NBEA: variants seen among roughly 807,000 people sequenced by gnomAD.
NBEA encodes the protein neurobeachin.
Under a neutral mutation model 343.4 loss-of-function variants are expected in NBEA, and 44 were observed. The ratio of observed to expected loss-of-function variants is 0.13; its 90% CI spans 0.10 to 0.16. The LOEUF is 0.16. Among genes scored for constraint, NBEA ranks in the 10% least tolerant of loss-of-function variants. NBEA has a pLI of 1.00. For missense variants in NBEA, 2,555 were observed against 3,631.3 expected (o/e 0.70, Z 7.62); for synonymous variants, 1,175 against 1,238.7 (o/e 0.95, Z 1.08).
intron 16 of NBEA, among the ~76,000 whole-genome samples, chr13:35,119,293 C>A (rs2066665138): frequency 6.6e-6 from 1 of 151,926 alleles, no homozygotes; most frequent in Non-Finnish European, 1.5e-5. Flanking sequence ...CGAGGTTATG[C>A]CATGTATAAC....
intron 36 of NBEA, among the ~76,000 whole-genome samples, chr13:35,316,942 T>G (rs1238346800): frequency 1.3e-5 from 2 of 152,170 alleles, no homozygotes; most frequent in South Asian, 2.1e-4. Flanking sequence ...CTTCGCCCTC[T>G]TTTTGATGGG....
At chr13:35,556,114 G>A (rs1274024628) in intron 44 of NBEA, among the ~76,000 whole-genome samples, 1 of 151,612 alleles carries the variant, frequency 6.6e-6, no homozygotes, top group Non-Finnish European at 1.5e-5. Flanking sequence ...GTATATATAT[G>A]TTCATATATA....
intron 39 of NBEA, among the ~76,000 whole-genome samples, chr13:35,443,777 T>C (rs891435326): frequency 1.3e-5 from 2 of 152,014 alleles, no homozygotes; most frequent in Admixed American, 1.3e-4. Context: ...CTTTCTAATT[T>C]AGTGTTTTTA....
intron 17 of NBEA, among the ~76,000 whole-genome samples, chr13:35,128,433 A>G (rs940068321): frequency 2.0e-5 from 3 of 152,176 alleles, no homozygotes; most frequent in Non-Finnish European, 4.4e-5. Flanking sequence ...TAATTCACCT[A>G]TTTCAGTCCA....
intron 18 of NBEA, among the ~76,000 whole-genome samples, chr13:35,151,062 C>T (rs2152703874): frequency 6.8e-6 from 1 of 146,816 alleles, no homozygotes; most frequent in East Asian, 2.0e-4. Context: ...TTGCAGCGAA[C>T]TGAGATTGTT....
chr13:35,025,338 T>C (rs1175006879), intron 1 of NBEA, among the ~76,000 whole-genome samples: 1 of 152,106 alleles, frequency 6.6e-6, no homozygotes, highest in Non-Finnish European at 1.5e-5. Context: ...AGTTGATTTT[T>C]TGTGTATGGT....
intron 1 of NBEA, among the ~76,000 whole-genome samples, chr13:35,012,353 A>G (rs2061515601): frequency 6.6e-6 from 1 of 152,204 alleles, no homozygotes; most frequent in African/African-American, 2.4e-5. Context: ...TGATAGTGGC[A>G]TTAATCAACT....
intron 17 of NBEA, among the ~76,000 whole-genome samples, chr13:35,136,108 A>G (rs1035898805): frequency 3.9e-5 from 6 of 152,124 alleles, no homozygotes; most frequent in South Asian, 2.1e-4. Context: ...GTAACCAGAC[A>G]AGGAAAGCAG....
At chr13:35,431,575 T>C (rs766271802) in intron 38 of NBEA, among the ~76,000 whole-genome samples, 20 of 152,264 alleles carry the variant, frequency 1.3e-4, no homozygotes, top group Non-Finnish European at 2.8e-4. Flanking sequence ...CTATTAATGG[T>C]TTATATTAGT....
chr13:35,372,643 G>T (rs1383606425), intron 38 of NBEA, among the ~76,000 whole-genome samples: 2 of 152,172 alleles, frequency 1.3e-5, no homozygotes, highest in Non-Finnish European at 2.9e-5. Flanking sequence ...CATAAGCAGG[G>T]AGCTGGGGAG....
chr13:35,489,901 T>A (rs771449807), intron 41 of NBEA, among the ~76,000 whole-genome samples: 1 of 151,966 alleles, frequency 6.6e-6, no homozygotes, highest in Non-Finnish European at 1.5e-5. Flanking sequence ...AAAAAAACTT[T>A]ATGAATAGCT....
intron 49 of NBEA, among the ~76,000 whole-genome samples, chr13:35,636,317 G>A (rs2083687637): frequency 6.6e-6 from 1 of 152,096 alleles, no homozygotes; most frequent in African/African-American, 2.4e-5. Context: ...GCCATTTGAA[G>A]TCTCAGTACA....
intron 34 of NBEA, among the ~76,000 whole-genome samples, chr13:35,245,457 G>A (rs2031040816): frequency 6.6e-6 from 1 of 152,012 alleles, no homozygotes; most frequent in Non-Finnish European, 1.5e-5. Flanking sequence ...GCTCCTTTTA[G>A]CGGTTCTTGT....
intron 41 of NBEA, among the ~76,000 whole-genome samples, chr13:35,502,958 T>G (rs1280188196): frequency 6.6e-6 from 1 of 152,136 alleles, no homozygotes; most frequent in East Asian, 1.9e-4. Context: ...CATTTATCTT[T>G]TAAGATAATA....
At chr13:35,394,142 T>C (rs2042629558) in intron 38 of NBEA, among the ~76,000 whole-genome samples, 1 of 152,204 alleles carries the variant, frequency 6.6e-6, no homozygotes, top group African/African-American at 2.4e-5. Flanking sequence ...ATTTAGCTTA[T>C]CTATACTTCT....
chr13:34,956,109 T>C (rs537867443), intron 1 of NBEA, among the ~76,000 whole-genome samples: 5 of 152,184 alleles, frequency 3.3e-5, no homozygotes, highest in Non-Finnish European at 7.4e-5. Flanking sequence ...AAATATCAAA[T>C]GAATGAAGTA....
At chr13:35,265,419 T>C (rs903982376) in intron 34 of NBEA, among the ~76,000 whole-genome samples, 1 of 151,636 alleles carries the variant, frequency 6.6e-6, no homozygotes. Flanking sequence ...CAAAGTAATC[T>C]TGAGTAAAAA....
chr13:35,163,340 A>G (rs1456491469), intron 23 of NBEA, among the ~76,000 whole-genome samples: 1 of 151,994 alleles, frequency 6.6e-6, no homozygotes, highest in African/African-American at 2.4e-5. Context: ...CTTTTTTTTA[A>G]TCTTATTTTT....
At chr13:35,255,367 C>T (rs1177769166) in intron 34 of NBEA, among the ~76,000 whole-genome samples, 1 of 152,254 alleles carries the variant, frequency 6.6e-6, no homozygotes, top group Non-Finnish European at 1.5e-5. Flanking sequence ...ATGCTGGGCT[C>T]ATTCCGCCCA....
Sources: gnomAD v4.1 joint callset for allele counts (sites outside exome capture counted in the v4.1 genomes callset) on GRCh38, gnomAD v4.1.1 for gene constraint, MANE v1.5 for transcripts, NCBI Gene and HGNC (gene_info 2026-07-23, HGNC 2026-07-21) for gene names.